The following MTUS1 variants were observed in gnomAD, a reference collection of about 807,000 sequenced individuals.
MTUS1 encodes the protein microtubule-associated tumor suppressor 1.
Under a neutral mutation model 120.8 loss-of-function variants are expected in MTUS1, and 109 were observed. That is an observed-to-expected ratio of 0.90 (90% CI 0.77 to 1.06). MTUS1 has a LOEUF of 1.06. Ranked by LOEUF, MTUS1 falls within the 50% of genes least tolerant of loss-of-function variation. The pLI is 0.00. For missense variants in MTUS1, 2,210 were observed against 1,486.3 expected (o/e 1.49, Z -8.01); for synonymous variants, 737 against 550.5 (o/e 1.34, Z -4.74).
At chr8:17,647,324 T>C (rs1034281561) in intron 13 of MTUS1, 4 of 396,672 alleles carry the variant, frequency 1.0e-5, no homozygotes, top group Admixed American at 8.5e-5. Flanking sequence ...GGGTAACAGA[T>C]TTGTTCCAGG....
chr8:17,797,932 C>T (rs1379975669), intron 1 of MTUS1, among the ~76,000 whole-genome samples: 1 of 151,814 alleles, frequency 6.6e-6, no homozygotes, highest in Non-Finnish European at 1.5e-5. Context: ...TGTTCCCCCG[C>T]CCCCCCAAAT....
At chr8:17,725,158 T>C (rs564378932) in intron 3 of MTUS1, among the ~76,000 whole-genome samples, 112 of 152,276 alleles carry the variant, frequency 7.4e-4, no homozygotes, top group African/African-American at 2.6e-3. Context: ...ATGCTACCAG[T>C]ACCACCTAAC....
intron 2 of MTUS1, among the ~76,000 whole-genome samples, chr8:17,749,676 A>G (rs1362257667): frequency 1.3e-5 from 2 of 149,080 alleles, no homozygotes; most frequent in Non-Finnish European, 3.0e-5. Context: ...AAAAAAAAAA[A>G]AAGAAAGAAA....
At chr8:17,676,281 T>C (rs893855231) in intron 7 of MTUS1, 6 of 703,082 alleles carry the variant, frequency 8.5e-6, no homozygotes, top group Middle Eastern at 2.3e-4. Context: ...ATTACCCTTG[T>C]TGCTGCACAT....
In MTUS1 at chr8:17,654,496, T is replaced by C. The variant is rs571377852; in HGVS notation, c.3214+65A>G. 3.6e-6 allele frequency: 4 copies of C among 1,120,894 alleles called. No individual in the cohort carries two copies. The East Asian group carries it at 7.1e-5, about 20-fold the overall frequency. 69.4% of individuals were successfully genotyped at this position (1,120,894 alleles called of 1,614,324 possible). A position where few individuals can be genotyped will look rare whatever the true frequency, so the allele number is the denominator to read the frequency against. On this transcript the variant is annotated intron_variant, in intron 10 of 14. Coordinates refer to ENST00000693296, the MANE Select transcript of MTUS1 (RefSeq NM_001363059.2). ...AGCAGGAAGTTATGAATCATTTCCATCTTAAAACATCATGTGGTTCCTTCA... is the reference window on the plus strand; with the variant it reads ...AGCAGGAAGTTATGAATCATTTCCACCTTAAAACATCATGTGGTTCCTTCA...
intron 1 of MTUS1, among the ~76,000 whole-genome samples, chr8:17,792,164 G>A (rs1012430266): frequency 2.0e-5 from 3 of 152,128 alleles, no homozygotes; most frequent in Admixed American, 2.0e-4. Context: ...CATAATGGAT[G>A]TCATGGTGGG....
chr8:17,681,355 C>T (rs918587716), intron 7 of MTUS1, among the ~76,000 whole-genome samples: 1 of 152,120 alleles, frequency 6.6e-6, no homozygotes, highest in Non-Finnish European at 1.5e-5. Flanking sequence ...GACAGCAACC[C>T]AGTAATGATA....
At chr8:17,750,693 T>C (rs2048124135) in intron 2 of MTUS1, among the ~76,000 whole-genome samples, 1 of 152,192 alleles carries the variant, frequency 6.6e-6, no homozygotes, top group African/African-American at 2.4e-5. Context: ...ACCTGAGCGT[T>C]ACAGGGCCCA....
intron 6 of MTUS1, among the ~76,000 whole-genome samples, chr8:17,700,383 C>G (rs911574704): frequency 7.1e-6 from 1 of 140,222 alleles, no homozygotes; most frequent in Admixed American, 8.3e-5. Context: ...GGCAGGAGAA[C>G]CGCTTGAATC....
intron 3 of MTUS1, among the ~76,000 whole-genome samples, chr8:17,729,623 T>A (rs2046427342): frequency 6.6e-6 from 1 of 152,220 alleles, no homozygotes; most frequent in Admixed American, 6.5e-5. Context: ...TGAACAAGTG[T>A]ACACATGTGA....
rs1391206413 is a variant in MTUS1 at position 17,644,362 on chromosome 8, T to C, written c.*1564A>G. On this transcript the variant is annotated 3_prime_UTR_variant, in exon 15 of 15. Coordinates refer to ENST00000693296, the MANE Select transcript of MTUS1 (RefSeq NM_001363059.2). Reference sequence around the variant, plus strand: ...TTCACCTCTAGCATCCTGAATCTCTTCTTACTACAGCTGTTATTTGTACAG... The same window carrying C: ...TTCACCTCTAGCATCCTGAATCTCTCCTTACTACAGCTGTTATTTGTACAG... 6.6e-6 allele frequency: 1 copy of C among 152,626 alleles called. No individual in the cohort carries two copies. The highest frequency in any genetic ancestry group is 2.4e-5 in the African/African-American group (1 of 41,440). 9.5% of individuals were successfully genotyped at this position (152,626 alleles called of 1,614,324 possible).
rs866286173 is a variant in MTUS1 at position 17,663,816 on chromosome 8, G to A, written c.2906-7751C>T. On this transcript the variant is annotated intron_variant, in intron 8 of 14. Coordinates refer to ENST00000693296, the MANE Select transcript of MTUS1 (RefSeq NM_001363059.2). ...TCACTACGTTGGCCAGGCTGGTCTCGAACTCCTGACCTCAAATGATCTGCC... is the reference window on the plus strand; with the variant it reads ...TCACTACGTTGGCCAGGCTGGTCTCAAACTCCTGACCTCAAATGATCTGCC... Among the ~76,000 whole-genome samples the A allele has an allele frequency of 2.6e-5, 4 of 152,126 alleles. No individual in the cohort carries two copies. The South Asian group carries it at 8.3e-4, about 32-fold the overall frequency.
intron 6 of MTUS1, among the ~76,000 whole-genome samples, chr8:17,706,955 T>A (rs965698324): frequency 1.3e-5 from 2 of 152,204 alleles, no homozygotes; most frequent in Non-Finnish European, 2.9e-5. Context: ...CAAACTGCTA[T>A]AATTAAAAGT....
At chr8:17,671,425 C>T (rs1324384648) in intron 8 of MTUS1, among the ~76,000 whole-genome samples, 1 of 152,126 alleles carries the variant, frequency 6.6e-6, no homozygotes. Context: ...CAAGAAAACA[C>T]GAGACAGTAA....
At position 17,755,033 on chromosome 8, in the gene MTUS1, C is replaced by G; in HGVS notation, c.775G>C (p.Asp259His). 3 of 1,613,942 alleles carry G rather than the reference C, an allele frequency of 1.9e-6. No individual in the cohort carries two copies. Among genetic ancestry groups the G allele is most frequent in the Non-Finnish European group, 2.5e-6 (3 of 1,180,014 alleles). ...GAACATGCACACTGATTTCCAATAT[C>G]TGAAACAAAAACCTCACTTTGCATC... ...VVMQSEVFVS[D>H]IGNQCACSSG... The change falls in exon 2 of 15, where the codon GAT becomes CAT. Residue 259 changes from aspartate to histidine, a missense_variant. Coordinates refer to ENST00000693296, the MANE Select transcript of MTUS1 (RefSeq NM_001363059.2).
At chr8:17,690,564 C>G (rs1021470081) in intron 6 of MTUS1, among the ~76,000 whole-genome samples, 1 of 152,132 alleles carries the variant, frequency 6.6e-6, no homozygotes, top group African/African-American at 2.4e-5. Context: ...AAAACACAGA[C>G]TATCTTATAA....
intron 3 of MTUS1, among the ~76,000 whole-genome samples, chr8:17,739,385 C>G (rs865953333): frequency 1.3e-5 from 2 of 151,672 alleles, no homozygotes; most frequent in African/African-American, 4.8e-5. Context: ...CCCAGCTACT[C>G]GGGAGGCTGA....
intron 6 of MTUS1, among the ~76,000 whole-genome samples, chr8:17,695,592 G>A (rs1410373780): frequency 6.6e-6 from 1 of 152,168 alleles, no homozygotes; most frequent in East Asian, 1.9e-4. Context: ...CGCTGTCTTG[G>A]AAAGCTATCT....
chr8:17,789,298 T>G (rs1335726139), intron 1 of MTUS1, among the ~76,000 whole-genome samples: 1 of 152,184 alleles, frequency 6.6e-6, no homozygotes, highest in Non-Finnish European at 1.5e-5. Flanking sequence ...CCCAAAGTGC[T>G]GGGATTACAG....
Sources: gnomAD v4.1 joint callset for allele counts (sites outside exome capture counted in the v4.1 genomes callset) on GRCh38, gnomAD v4.1.1 for gene constraint, MANE v1.5 for transcripts, NCBI Gene and HGNC (gene_info 2026-07-23, HGNC 2026-07-21) for gene names.